Variants in STON2 observed in about 807,000 individuals in gnomAD.
STON2 encodes the protein stonin-2.
Under a neutral mutation model 65.7 loss-of-function variants are expected in STON2, and 29 were observed. The ratio of observed to expected loss-of-function variants is 0.44; its 90% CI spans 0.33 to 0.60. The LOEUF is 0.60. Ranked by LOEUF, STON2 falls within the 20% of genes least tolerant of loss-of-function variation. The pLI is 0.03. For missense variants in STON2, 1,054 were observed against 1,118.1 expected (o/e 0.94, Z 0.82); for synonymous variants, 404 against 414.2 (o/e 0.98, Z 0.30).
intron 2 of STON2, among the ~76,000 whole-genome samples, chr14:81,422,107 T>A (rs1046457366): frequency 6.6e-6 from 1 of 152,202 alleles, no homozygotes; most frequent in Non-Finnish European, 1.5e-5. Context: ...GGACATGCTT[T>A]GTTTGGCCCT....
At chr14:81,406,268 A>G (rs182448334) in intron 2 of STON2, among the ~76,000 whole-genome samples, 2 of 152,254 alleles carry the variant, frequency 1.3e-5, no homozygotes, top group African/African-American at 4.8e-5. Flanking sequence ...CATCTATCCT[A>G]TTAATTCTGT....
At chr14:81,338,774 G>A (rs1312853077) in intron 4 of STON2, among the ~76,000 whole-genome samples, 1 of 152,192 alleles carries the variant, frequency 6.6e-6, no homozygotes, top group Non-Finnish European at 1.5e-5. Context: ...TTAGTGGGAA[G>A]CAATCCTCAC....
At chr14:81,294,731 A>T (rs1895693672) in intron 5 of STON2, among the ~76,000 whole-genome samples, 1 of 152,130 alleles carries the variant, frequency 6.6e-6, no homozygotes, top group Non-Finnish European at 1.5e-5. Flanking sequence ...GAAAGGTTTT[A>T]TTTCTAGTCC....
chr14:81,270,906 T>C (rs1184088932), intron 6 of STON2, 34 bp from the exon 7 acceptor site: 12 of 1,601,138 alleles, frequency 7.5e-6, no homozygotes, highest in Admixed American at 3.4e-5. Flanking sequence ...GATCAGATTA[T>C]TTGGGGAGAA....
chr14:81,276,223 A>ATATC (rs1894813065), intron 6 of STON2, among the ~76,000 whole-genome samples: 1 of 152,258 alleles, frequency 6.6e-6, no homozygotes, highest in African/African-American at 2.4e-5. Flanking sequence ...CATCCCTGAT[A>ATATC]GCTGCGAGCA....
intron 1 of STON2, among the ~76,000 whole-genome samples, chr14:81,432,732 T>G (rs1902269825): frequency 6.6e-6 from 1 of 152,162 alleles, no homozygotes; most frequent in Admixed American, 6.5e-5. Flanking sequence ...CTTTTTTCAT[T>G]TTCTCACTAT....
chr14:81,363,139 T>C (rs920375028), intron 4 of STON2, among the ~76,000 whole-genome samples: 9 of 152,208 alleles, frequency 5.9e-5, no homozygotes, highest in African/African-American at 2.2e-4. Flanking sequence ...CTACCCTTTT[T>C]ATTTGTGTGA....
At chr14:81,419,112 C>T (rs539320336) in intron 2 of STON2, among the ~76,000 whole-genome samples, 1 of 151,834 alleles carries the variant, frequency 6.6e-6, no homozygotes, top group East Asian at 1.9e-4. Flanking sequence ...CTTTATCATT[C>T]TCATATTGTA....
intron 4 of STON2, among the ~76,000 whole-genome samples, chr14:81,370,323 C>T (rs1482325316): frequency 6.6e-6 from 1 of 152,180 alleles, no homozygotes; most frequent in African/African-American, 2.4e-5. Flanking sequence ...CTTTCCAATG[C>T]CAAGTATCTT....
chr14:81,325,738 A>G (rs139063268), intron 4 of STON2, among the ~76,000 whole-genome samples: 175 of 152,342 alleles, frequency 1.1e-3, no homozygotes, highest in African/African-American at 3.7e-3. Flanking sequence ...ATCAGCATAT[A>G]GAATTGCTTG....
chr14:81,324,974 C>A (rs1284575116), intron 4 of STON2, among the ~76,000 whole-genome samples: 1 of 152,122 alleles, frequency 6.6e-6, no homozygotes, highest in African/African-American at 2.4e-5. Context: ...GATAACTGTT[C>A]CTCTTTCACA....
intron 1 of STON2, among the ~76,000 whole-genome samples, chr14:81,429,880 A>G (rs1262802035): frequency 6.6e-6 from 1 of 151,820 alleles, no homozygotes; most frequent in Non-Finnish European, 1.5e-5. Context: ...GGTTGCAGTG[A>G]GCTGAGATCG....
rs371955644 is a variant in STON2 at position 81,320,519 on chromosome 14, G to T, written c.742+3498C>A. Among the ~76,000 whole-genome samples the T allele has an allele frequency of 3.4e-5, 5 of 147,048 alleles. No homozygotes were observed. The East Asian group carries it at 6.1e-4, about 18-fold the overall frequency. ...TGTGATTTCTTTCTAAGTGAGGGCT[G>T]AAGTTTTCACTCTCATCTCAAAAAT... On this transcript the variant is annotated intron_variant, in intron 5 of 7. Coordinates refer to ENST00000614646, the MANE Select transcript of STON2 (RefSeq NM_001394390.1).
chr14:81,334,338 G>A (rs1436836492), intron 4 of STON2, among the ~76,000 whole-genome samples: 2 of 152,142 alleles, frequency 1.3e-5, no homozygotes, highest in East Asian at 3.8e-4. Flanking sequence ...ATTTACTTAA[G>A]TATTAAGATA....
intron 5 of STON2, among the ~76,000 whole-genome samples, chr14:81,299,232 T>C (rs1895879733): frequency 6.6e-6 from 1 of 152,202 alleles, no homozygotes; most frequent in Non-Finnish European, 1.5e-5. Flanking sequence ...ATGCACAGAA[T>C]TAACGTGTTA....
At chr14:81,339,709 G>C (rs1897518118) in intron 4 of STON2, among the ~76,000 whole-genome samples, 1 of 152,204 alleles carries the variant, frequency 6.6e-6, no homozygotes, top group Non-Finnish European at 1.5e-5. Flanking sequence ...TATCAAGAAG[G>C]AGTGGCTTAC....
chr14:81,373,928 T>G (rs773216288), intron 3 of STON2, among the ~76,000 whole-genome samples: 101 of 151,726 alleles, frequency 6.7e-4, no homozygotes, highest in South Asian at 1.5e-3. Flanking sequence ...AACCTCCAAG[T>G]TGAGACTAGT....
intron 2 of STON2, among the ~76,000 whole-genome samples, chr14:81,424,144 C>A (rs969675292): frequency 2.6e-5 from 4 of 152,128 alleles, no homozygotes; most frequent in African/African-American, 9.7e-5. Context: ...TAGTTTATTT[C>A]CTTCTTTTAT....
rs995642135 is a variant in STON2 at position 81,269,439 on chromosome 14, T to A, written c.2785-942A>T. 1.2e-5 allele frequency: 12 copies of A among 985,476 alleles called. No homozygotes were observed. In the South Asian group the frequency reaches 4.7e-4, roughly 39 times the overall value. 61.0% of individuals were successfully genotyped at this position (985,476 alleles called of 1,614,324 possible). On this transcript the variant is annotated intron_variant, in intron 7 of 7. Transcript: ENST00000614646. ...TTAACAGATTAATCTTTGAAAGTAA[T>A]ACATCTCAACCGAAATCTTTGATAG...
Sources: gnomAD v4.1 joint callset for allele counts (sites outside exome capture counted in the v4.1 genomes callset) on GRCh38, gnomAD v4.1.1 for gene constraint, MANE v1.5 for transcripts, NCBI Gene and HGNC (gene_info 2026-07-23, HGNC 2026-07-21) for gene names.